Variants in SLC4A4 observed in about 807,000 individuals in gnomAD.
SLC4A4 encodes electrogenic sodium bicarbonate cotransporter 1.
SLC4A4 carries 27 observed loss-of-function variants against 111.5 expected under a neutral mutation model. That is an observed-to-expected ratio of 0.24 (90% CI 0.18 to 0.33). The LOEUF (loss-of-function observed/expected upper bound fraction) is 0.33, where lower values mean the gene tolerates loss of function less well. Ranked by LOEUF, SLC4A4 falls within the 10% of genes least tolerant of loss-of-function variation. SLC4A4 has a pLI of 1.00. For missense variants in SLC4A4, 909 were observed against 1,315.5 expected, an observed-to-expected ratio of 0.69 and a Z score of 4.78; for synonymous variants, 443 against 463.4, an observed-to-expected ratio of 0.96 and a Z score of 0.57.
chr4:71,296,844 G>A (rs572823124), intron 3 of SLC4A4, among the ~76,000 whole-genome samples: 3 of 152,136 alleles, frequency 2.0e-5, no homozygotes, highest in South Asian at 4.2e-4. Flanking sequence ...TTGCTTTGTT[G>A]GCTAGGTGAT....
chr4:71,488,444 A>C (rs374204035), intron 15 of SLC4A4, among the ~76,000 whole-genome samples: 154 of 151,822 alleles, frequency 1.0e-3, no homozygotes, highest in African/African-American at 3.7e-3. Flanking sequence ...TGATAGAGAC[A>C]TAGAGGCATA....
chr4:71,462,171 T>C (rs1479373836), intron 12 of SLC4A4, among the ~76,000 whole-genome samples: 2 of 152,208 alleles, frequency 1.3e-5, no homozygotes, highest in Admixed American at 6.5e-5. Flanking sequence ...CATTAGATTG[T>C]ATCTCTGCTT....
rs368940706 is a variant in SLC4A4, at chr4:71,116,930, C to A, written c.-2+24138C>A. ...TGCACTCCAGCCTGGGCAACAAGAG[C>A]GAAACTCCATCTCAAAAAAAAAAAA... On this transcript the variant is annotated intron_variant, in intron 2 of 26. Transcript: ENST00000649996. Among the ~76,000 whole-genome samples, 14 of 146,440 alleles carry A rather than the reference C, an allele frequency of 9.6e-5. 1 individual carries two copies. In the South Asian group the frequency reaches 3.1e-3, roughly 32 times the overall value.
In SLC4A4 at chr4:71,457,667, A is replaced by G. The variant is rs77920924; in HGVS notation, c.1497+3998A>G. ...TGGTCTCCTTGCCATATTGTCAGGT[A>G]AACAAAGGCTTTTCATCCTTACCAT... On this transcript the variant is annotated intron_variant, in intron 12 of 25. Coordinates refer to ENST00000264485, the MANE Select transcript of SLC4A4 (RefSeq NM_001098484.3). Among the ~76,000 whole-genome samples, 233 of 152,236 alleles carry G rather than the reference A, an allele frequency of 1.5e-3. 8 individuals are homozygous for G. The East Asian group carries it at 0.043, about 28-fold the overall frequency.
chr4:71,508,393 A>G (rs994278304), intron 16 of SLC4A4, among the ~76,000 whole-genome samples: 1 of 152,116 alleles, frequency 6.6e-6, no homozygotes, highest in Admixed American at 6.6e-5. Flanking sequence ...AGCAGAAATG[A>G]TACAGGGGGA....
At chr4:71,422,269 C>A (rs1480127834) in intron 7 of SLC4A4, among the ~76,000 whole-genome samples, 1 of 143,738 alleles carries the variant, frequency 7.0e-6, no homozygotes, top group South Asian at 2.4e-4. Context: ...CACATACACT[C>A]TCCCAAGACT....
chr4:71,428,965 AC>A (rs1475348207), intron 7 of SLC4A4, among the ~76,000 whole-genome samples: 1 of 152,146 alleles, frequency 6.6e-6, no homozygotes. Context: ...GATTTAAAGG[AC>A]AAATTGTGAG....
At chr4:71,444,248 G>A (rs371490318) in intron 8 of SLC4A4, among the ~76,000 whole-genome samples, 93 of 152,270 alleles carry the variant, frequency 6.1e-4, no homozygotes, top group African/African-American at 2.1e-3. Flanking sequence ...AGTATAGGCC[G>A]TTGGTTCCGG....
At chr4:71,470,270 A>G (rs1298225787) in intron 13 of SLC4A4, among the ~76,000 whole-genome samples, 3 of 152,024 alleles carry the variant, frequency 2.0e-5, no homozygotes, top group African/African-American at 7.2e-5. Context: ...CAAACTGCAA[A>G]GGAAAGTAAA....
chr4:71,457,075 C>T (rs974313785), intron 12 of SLC4A4, among the ~76,000 whole-genome samples: 1 of 152,238 alleles, frequency 6.6e-6, no homozygotes. Context: ...TGGGTAGAAA[C>T]GTGTTGTGAA....
At chr4:71,431,495 G>C (rs1394321063) in intron 7 of SLC4A4, among the ~76,000 whole-genome samples, 1 of 152,120 alleles carries the variant, frequency 6.6e-6, no homozygotes. Flanking sequence ...AGACCATGGA[G>C]GACATGGAGG....
chr4:71,099,619 C>CA (rs1439214174), intron 2 of SLC4A4, among the ~76,000 whole-genome samples: 1 of 151,730 alleles, frequency 6.6e-6, no homozygotes, highest in Non-Finnish European at 1.5e-5. Flanking sequence ...AATTGAGACA[C>CA]AAAAAACCAT....
intron 1 of SLC4A4, among the ~76,000 whole-genome samples, chr4:71,088,155 T>C (rs555344403): frequency 2.6e-5 from 4 of 152,224 alleles, no homozygotes; most frequent in African/African-American, 7.2e-5. Context: ...TTTACCATTA[T>C]GTAATGACCT....
chr4:71,312,607 G>C (rs1164380664), intron 3 of SLC4A4, among the ~76,000 whole-genome samples: 1 of 152,120 alleles, frequency 6.6e-6, no homozygotes. Flanking sequence ...GGGATGCAAG[G>C]CTGGTTCAAC....
intron 2 of SLC4A4, among the ~76,000 whole-genome samples, chr4:71,250,676 C>T (rs1227652110): frequency 2.6e-5 from 4 of 152,068 alleles, no homozygotes; most frequent in Non-Finnish European, 4.4e-5. Flanking sequence ...ATGCTCACTA[C>T]GGGTTTGCCT....
chr4:71,526,051 G>T (rs1046481998), intron 16 of SLC4A4, among the ~76,000 whole-genome samples: 3 of 151,722 alleles, frequency 2.0e-5, no homozygotes, highest in South Asian at 2.1e-4. Context: ...ACATTTTTAG[G>T]GCACTTTCTA....
In SLC4A4 at chr4:71,312,378, T is replaced by C. The variant is rs895881901; in HGVS notation, c.254-26992T>C. Among the ~76,000 whole-genome samples the C allele has an allele frequency of 1.8e-4, 27 of 152,310 alleles. 1 individual carries two copies. Among genetic ancestry groups the C allele is most frequent in the African/African-American group, 6.3e-4 (26 of 41,552 alleles). On this transcript the variant is annotated intron_variant, in intron 3 of 25. Coordinates refer to ENST00000264485, the MANE Select transcript of SLC4A4 (RefSeq NM_001098484.3). The stretch of plus-strand genomic sequence containing the variant: ...GCTGGTACCATTCCTTCTGAAATTA[T>C]TACAAACAATAGAAGAAGAGGGACT...
intron 2 of SLC4A4, among the ~76,000 whole-genome samples, chr4:71,121,131 C>T (rs942644794): frequency 3.3e-5 from 5 of 152,154 alleles, no homozygotes; most frequent in African/African-American, 9.7e-5. Flanking sequence ...CCGCCGCACT[C>T]GAATTCTTGC....
intron 16 of SLC4A4, among the ~76,000 whole-genome samples, chr4:71,523,801 C>T (rs185709680): frequency 4.3e-4 from 65 of 152,150 alleles, no homozygotes; most frequent in Admixed American, 7.2e-4. Context: ...TCTTTTTAGG[C>T]CCTGGAACCC....
Sources: gnomAD v4.1 joint callset for allele counts (sites outside exome capture counted in the v4.1 genomes callset) on GRCh38, gnomAD v4.1.1 for gene constraint, MANE v1.5 for transcripts, NCBI Gene and HGNC (gene_info 2026-07-23, HGNC 2026-07-21) for gene names.